The following DOK6 variants were observed in gnomAD, a reference collection of about 807,000 sequenced individuals.
DOK6 encodes downstream of tyrosine kinase 6.
In DOK6, 22 loss-of-function variants were observed where a neutral mutation model predicts 44.0. That is an observed-to-expected ratio of 0.50 (90% confidence interval 0.36 to 0.71). The LOEUF (loss-of-function observed/expected upper bound fraction) is 0.71. Ranked by LOEUF, DOK6 falls within the 30% of genes least tolerant of loss-of-function variation. The pLI, the probability that DOK6 is intolerant of heterozygous loss-of-function variation, is 0.00. For synonymous variants in DOK6, 166 were observed against 145.5 expected (o/e 1.14, Z -1.01); for missense variants, 340 against 416.4 (o/e 0.82, Z 1.60).
intron 7 of DOK6, among the ~76,000 whole-genome samples, chr18:69,770,171 T>C (rs1979845518): frequency 1.3e-5 from 2 of 152,090 alleles, no homozygotes; most frequent in Non-Finnish European, 2.9e-5. Context: ...CTTGACAGTT[T>C]CATGATATTT....
At chr18:69,745,238 T>C (rs539301389) in intron 6 of DOK6, among the ~76,000 whole-genome samples, 4 of 152,206 alleles carry the variant, frequency 2.6e-5, no homozygotes, top group Non-Finnish European at 5.9e-5. Context: ...GAAAAATCAT[T>C]GCCTAACACA....
At chr18:69,806,901 C>T (rs982772345) in intron 7 of DOK6, among the ~76,000 whole-genome samples, 11 of 151,966 alleles carry the variant, frequency 7.2e-5, no homozygotes, top group African/African-American at 2.7e-4. Flanking sequence ...ATTGGACTTA[C>T]ATCAAGTTTT....
chr18:69,635,673 C>T (rs144492671), intron 3 of DOK6, among the ~76,000 whole-genome samples: 3 of 146,120 alleles, frequency 2.1e-5, no homozygotes, highest in Non-Finnish European at 4.6e-5. Flanking sequence ...ACCAACACTT[C>T]CTCTTGTGGT....
In DOK6 at chr18:69,848,413, T is replaced by G. The variant is rs1033260938; in HGVS notation, c.*7030T>G. The G allele has an allele frequency of 6.6e-6, 1 of 152,166 alleles. No homozygotes were observed. The highest frequency in any genetic ancestry group is 2.4e-5 in the African/African-American group (1 of 41,444). 9.4% of individuals were successfully genotyped at this position (152,166 alleles called of 1,614,324 possible). A position where few individuals can be genotyped will look rare whatever the true frequency, so the allele number is the denominator to read the frequency against. On this transcript the variant is annotated 3_prime_UTR_variant, in exon 8 of 8. Coordinates refer to ENST00000382713, the MANE Select transcript of DOK6 (RefSeq NM_152721.6). ...AAATACATGATTTGGCATACTTCAT[T>G]TTTAGTAACAATCTATTCTAGATAA...
chr18:69,652,490 A>T (rs1453982682), intron 3 of DOK6, among the ~76,000 whole-genome samples: 1 of 152,224 alleles, frequency 6.6e-6, no homozygotes, highest in African/African-American at 2.4e-5. Context: ...GACTTGGGCA[A>T]TTCCAGCTTG....
chr18:69,427,157 G>A (rs768510063), intron 1 of DOK6, among the ~76,000 whole-genome samples: 14 of 151,860 alleles, frequency 9.2e-5, no homozygotes, highest in Admixed American at 3.3e-4. Flanking sequence ...CATCCACGTC[G>A]CTGCAAAAGA....
intron 2 of DOK6, among the ~76,000 whole-genome samples, chr18:69,572,897 A>G (rs1449967434): frequency 6.6e-6 from 1 of 152,018 alleles, no homozygotes; most frequent in Admixed American, 6.6e-5. Flanking sequence ...GAAGGAGCCT[A>G]TAAGAGAATG....
In DOK6 at chr18:69,546,538, A is replaced by T. The variant is rs150242739; in HGVS notation, c.67-17949A>T. On this transcript the variant is annotated intron_variant, in intron 1 of 7. Transcript: ENST00000382713. ...GAGTTCTTACAGTTTGTGGGGTACT[A>T]CCTATAAAATAAATATATTTAGATT... Among the ~76,000 whole-genome samples, 3 of 151,638 alleles carry T rather than the reference A, an allele frequency of 2.0e-5. 1 individual carries two copies. Among genetic ancestry groups the T allele is most frequent in the Non-Finnish European group, 4.4e-5 (3 of 67,714 alleles).
At chr18:69,533,365 G>A (rs1982036314) in intron 1 of DOK6, among the ~76,000 whole-genome samples, 1 of 151,902 alleles carries the variant, frequency 6.6e-6, no homozygotes, top group Admixed American at 6.6e-5. Context: ...TTTTAGTGTG[G>A]CTTGTCATGT....
chr18:69,541,120 C>CTTAGGTATATCTAAACAA (rs1263192073), intron 1 of DOK6, among the ~76,000 whole-genome samples: 2 of 151,820 alleles, frequency 1.3e-5, no homozygotes, highest in Admixed American at 6.6e-5. Context: ...CTTTGTTTCC[C>CTTAGGTATATCTAAACAA]CAAACTGTTT....
chr18:69,447,798 A>T (rs553876826), intron 1 of DOK6, among the ~76,000 whole-genome samples: 18 of 152,318 alleles, frequency 1.2e-4, no homozygotes, highest in African/African-American at 3.8e-4. Flanking sequence ...ATTCTGGTAT[A>T]AACAGATATT....
chr18:69,502,180 A>G (rs1981066700), intron 1 of DOK6, among the ~76,000 whole-genome samples: 1 of 152,162 alleles, frequency 6.6e-6, no homozygotes, highest in Non-Finnish European at 1.5e-5. Context: ...TAACTTCTTG[A>G]AAAGCATGAT....
intron 1 of DOK6, among the ~76,000 whole-genome samples, chr18:69,405,145 G>T (rs1351578010): frequency 6.6e-6 from 1 of 152,050 alleles, no homozygotes; most frequent in Non-Finnish European, 1.5e-5. Context: ...CCTACCTCTT[G>T]CCCTTTCTCC....
intron 2 of DOK6, among the ~76,000 whole-genome samples, chr18:69,576,676 G>T (rs183902948): frequency 5.3e-5 from 8 of 152,226 alleles, no homozygotes; most frequent in African/African-American, 1.7e-4. Flanking sequence ...CTTCTTGGCA[G>T]AGAGAAATTT....
intron 1 of DOK6, among the ~76,000 whole-genome samples, chr18:69,531,522 G>A (rs1981985914): frequency 6.6e-6 from 1 of 151,004 alleles, no homozygotes; most frequent in Non-Finnish European, 1.5e-5. Context: ...TCTGGTTTGA[G>A]AATTCCTTAA....
intron 1 of DOK6, among the ~76,000 whole-genome samples, chr18:69,525,136 G>GA: frequency 6.6e-6 from 1 of 151,742 alleles, no homozygotes; most frequent in South Asian, 2.1e-4. Flanking sequence ...GTAAGAAATG[G>GA]AAAATGACTT....
At chr18:69,442,462 A>G (rs961892781) in intron 1 of DOK6, among the ~76,000 whole-genome samples, 3 of 152,204 alleles carry the variant, frequency 2.0e-5, no homozygotes, top group Non-Finnish European at 4.4e-5. Flanking sequence ...AAGGGGAAAA[A>G]GCCCCTTATA....
chr18:69,592,124 A>G (rs1983635940), intron 2 of DOK6, among the ~76,000 whole-genome samples: 1 of 152,040 alleles, frequency 6.6e-6, no homozygotes, highest in Non-Finnish European at 1.5e-5. Flanking sequence ...AAAATATTTA[A>G]GAATGTATAA....
chr18:69,561,718 A>G (rs1982837258), intron 1 of DOK6, among the ~76,000 whole-genome samples: 3 of 152,152 alleles, frequency 2.0e-5, no homozygotes, highest in Admixed American at 2.0e-4. Flanking sequence ...TATCCTGCAC[A>G]TGCTTTTCAA....
Sources: allele counts gnomAD v4.1 joint callset (sites outside exome capture counted in the v4.1 genomes callset), GRCh38; gene constraint gnomAD v4.1.1; transcripts MANE v1.5; gene names NCBI Gene and HGNC (gene_info 2026-07-23, HGNC 2026-07-21).